FAM13B: variants seen among roughly 807,000 people sequenced by gnomAD.
The protein encoded by FAM13B is family with sequence similarity 13 member B, also known as protein FAM13B.
A neutral mutation model predicts 117.3 loss-of-function variants in FAM13B; 60 were observed. The observed-to-expected ratio is 0.51, with a 90% CI of 0.42 to 0.63. FAM13B has a LOEUF of 0.63. FAM13B is among the 30% of genes least tolerant of loss of function. FAM13B has a pLI of 0.00. For missense variants in FAM13B, 972 were observed against 1,091.9 expected, an observed-to-expected ratio of 0.89 and a Z score of 1.55; for synonymous variants, 332 against 356.1, an observed-to-expected ratio of 0.93 and a Z score of 0.76.
At chr5:137,996,720 T>C (rs1779957888) in intron 7 of FAM13B, among the ~76,000 whole-genome samples, 1 of 151,842 alleles carries the variant, frequency 6.6e-6, no homozygotes, top group Non-Finnish European at 1.5e-5. Context: ...CCCTCCCGAG[T>C]AGCTGGGATT....
intron 7 of FAM13B, among the ~76,000 whole-genome samples, chr5:137,999,951 C>T (rs1314110809): frequency 6.6e-6 from 1 of 151,990 alleles, no homozygotes; most frequent in Non-Finnish European, 1.5e-5. Flanking sequence ...ATCATAGCAG[C>T]AACAGATTAA....
At chr5:137,947,414 T>G (rs1763732045) in intron 18 of FAM13B, among the ~76,000 whole-genome samples, 1 of 152,176 alleles carries the variant, frequency 6.6e-6, no homozygotes, top group Non-Finnish European at 1.5e-5. Flanking sequence ...CATAAAGTTG[T>G]AGCAGGTAGG....
chr5:138,033,255 C>G (rs1219145902), upstream of FAM13B: 1 of 175,198 alleles, frequency 5.7e-6, no homozygotes, highest in Admixed American at 6.5e-5. Flanking sequence ...AATTAGGGTG[C>G]GAGCAGCCAG....
chr5:137,975,549 C>T (rs1181724224), intron 10 of FAM13B, among the ~76,000 whole-genome samples: 1 of 152,170 alleles, frequency 6.6e-6, no homozygotes, highest in Non-Finnish European at 1.5e-5. Flanking sequence ...ACAGAGACTC[C>T]TGCAAAACTA....
chr5:137,988,361 A>C, intron 7 of FAM13B, 46 bp from the exon 8 acceptor site: 5 of 1,475,320 alleles, frequency 3.4e-6, no homozygotes, highest in Non-Finnish European at 4.6e-6. Flanking sequence ...TCAATACTTA[A>C]TAACTACAAA....
intron 18 of FAM13B, among the ~76,000 whole-genome samples, chr5:137,948,393 G>C (rs1764013396): frequency 6.6e-6 from 1 of 151,842 alleles, no homozygotes; most frequent in Non-Finnish European, 1.5e-5. Context: ...CTGTAGGTCT[G>C]TTTCATGCTT....
At chr5:138,012,830 A>G (rs1167634893) in intron 4 of FAM13B, among the ~76,000 whole-genome samples, 1 of 152,082 alleles carries the variant, frequency 6.6e-6, no homozygotes, top group Non-Finnish European at 1.5e-5. Context: ...TACGGTCATG[A>G]TATTAACTAT....
At chr5:138,005,944 G>T (rs1782439296) in intron 7 of FAM13B, among the ~76,000 whole-genome samples, 1 of 151,064 alleles carries the variant, frequency 6.6e-6, no homozygotes, top group Non-Finnish European at 1.5e-5. Flanking sequence ...TGTCGCCCAG[G>T]CTGGAGTGCA....
intron 11 of FAM13B, among the ~76,000 whole-genome samples, chr5:137,960,532 T>A (rs1425157588): frequency 6.6e-6 from 1 of 152,140 alleles, no homozygotes; most frequent in African/African-American, 2.4e-5. Context: ...CCCAAAAGAA[T>A]GAATGTATAA....
At chr5:137,945,787 G>T in intron 20 of FAM13B, 115 bp downstream of exon 20, 1 of 673,640 alleles carries the variant, frequency 1.5e-6, no homozygotes, top group Non-Finnish European at 2.4e-6. Flanking sequence ...ACCTTACAGT[G>T]ACAATTATTT....
chr5:137,955,446 C>T (rs1230197440), intron 14 of FAM13B, among the ~76,000 whole-genome samples: 1 of 152,176 alleles, frequency 6.6e-6, no homozygotes, highest in Non-Finnish European at 1.5e-5. Flanking sequence ...ATTTACTTTA[C>T]TGCAGTTATC....
In FAM13B at chr5:138,019,150, C is replaced by T; in HGVS notation, c.-35-4G>A. 1 of 1,491,238 alleles carries T rather than the reference C, an allele frequency of 6.7e-7. No homozygotes were observed. The highest frequency in any genetic ancestry group is 2.3e-5 in the Admixed American group (1 of 43,584). 92.4% of individuals were successfully genotyped at this position (1,491,238 alleles called of 1,614,324 possible). A position where few individuals can be genotyped will look rare whatever the true frequency, so the allele number is the denominator to read the frequency against. On this transcript the variant is annotated splice_polypyrimidine_tract_variant and splice_region_variant and intron_variant, in intron 2 of 23. Coordinates refer to ENST00000689681, the MANE Select transcript of FAM13B (RefSeq NM_001385994.1). ...CCAGAAATCAAAGCTGTCTTTTCTG[C>T]CAAATGAAAGACAAAAAAAAAAGAC... is the stretch of plus-strand genomic sequence containing the variant.
At position 138,026,621 on chromosome 5, in the gene FAM13B, C is replaced by T. The variant is rs575393338; in HGVS notation, c.-202-5424G>A. Among the ~76,000 whole-genome samples, 9 of 105,442 alleles carry T rather than the reference C, an allele frequency of 8.5e-5. No individual in the cohort carries two copies. The East Asian group carries it at 1.5e-3, about 18-fold the overall frequency. 69.2% of individuals were successfully genotyped at this position (105,442 alleles called of 152,430 possible). ...TCCAGCGTGGGCACCAGAGAGGGACCGTGTCTCAAAAAAAAAAAAAAAAAA... is the reference window on the plus strand; with the variant it reads ...TCCAGCGTGGGCACCAGAGAGGGACTGTGTCTCAAAAAAAAAAAAAAAAAA... On this transcript the variant is annotated intron_variant, in intron 1 of 23. Transcript: ENST00000689681.
chr5:137,998,232 C>G (rs1206233153), intron 7 of FAM13B, among the ~76,000 whole-genome samples: 3 of 152,154 alleles, frequency 2.0e-5, no homozygotes, highest in Non-Finnish European at 2.9e-5. Context: ...GATGCAAAAT[C>G]AATGGTAGAA....
chr5:137,978,593 CCCA>C (rs1774716559), intron 10 of FAM13B, among the ~76,000 whole-genome samples: 1 of 152,110 alleles, frequency 6.6e-6, no homozygotes, highest in Non-Finnish European at 1.5e-5. Flanking sequence ...ACCTTTGCCT[CCCA>C]CCACCTTTTT....
chr5:137,970,717 T>A (rs558239612), intron 10 of FAM13B, among the ~76,000 whole-genome samples: 101 of 152,112 alleles, frequency 6.6e-4, no homozygotes, highest in Middle Eastern at 3.4e-3. Flanking sequence ...AGGAAACCCA[T>A]CTCACGGGCA....
At chr5:138,037,625 G>C (rs771040358), upstream of FAM13B, among the ~76,000 whole-genome samples, 22 of 152,048 alleles carry the variant, frequency 1.4e-4, no homozygotes, top group Admixed American at 2.6e-4. Context: ...AGATGTAGCA[G>C]GATGTTGAGC....
intron 14 of FAM13B, among the ~76,000 whole-genome samples, chr5:137,955,873 C>G (rs1033791205): frequency 2.6e-5 from 4 of 152,156 alleles, no homozygotes; most frequent in Non-Finnish European, 4.4e-5. Flanking sequence ...CTCAAGTGAT[C>G]CGCCTGCCTC....
chr5:138,023,486 A>G (rs1391974934), intron 1 of FAM13B, among the ~76,000 whole-genome samples: 1 of 152,238 alleles, frequency 6.6e-6, no homozygotes, highest in Non-Finnish European at 1.5e-5. Flanking sequence ...TGTGATTCTC[A>G]AAGTCCTTGA....
Sources: gnomAD v4.1 joint callset for allele counts (sites outside exome capture counted in the v4.1 genomes callset) on GRCh38, gnomAD v4.1.1 for gene constraint, MANE v1.5 for transcripts, NCBI Gene and HGNC (gene_info 2026-07-23, HGNC 2026-07-21) for gene names.